CDH13: variants seen among roughly 807,000 people sequenced by gnomAD.
CDH13 encodes the protein cadherin 13, also known as cadherin-13.
In CDH13, 24 loss-of-function variants were observed where a neutral mutation model predicts 63.8. The ratio of observed to expected loss-of-function variants is 0.38; its 90% confidence interval spans 0.27 to 0.53. The LOEUF is 0.53. Ranked by LOEUF, CDH13 falls within the 20% of genes least tolerant of loss-of-function variation. The probability of loss-of-function intolerance (pLI) is 0.85; values close to 1 mark genes in which losing one functional copy is unlikely to be tolerated. For synonymous variants in CDH13, 503 were observed against 355.3 expected (o/e 1.42, Z -4.67); for missense variants, 1,049 against 903.1 (o/e 1.16, Z -2.07).
intron 2 of CDH13, among the ~76,000 whole-genome samples, chr16:82,984,865 T>C (rs1280126632): frequency 2.0e-5 from 3 of 152,160 alleles, no homozygotes; most frequent in African/African-American, 7.2e-5. Flanking sequence ...TCCATAACTA[T>C]TAGCTAATGT....
chr16:83,383,433 C>A (rs917276339), intron 6 of CDH13, among the ~76,000 whole-genome samples: 3 of 152,154 alleles, frequency 2.0e-5, no homozygotes, highest in Non-Finnish European at 2.9e-5. Context: ...GACCTCAACT[C>A]ACAAGCCTTG....
intron 10 of CDH13, among the ~76,000 whole-genome samples, chr16:83,690,728 G>C (rs1010265755): frequency 1.3e-5 from 2 of 151,978 alleles, no homozygotes; most frequent in Non-Finnish European, 2.9e-5. Flanking sequence ...TGTTGTTGTT[G>C]TTTTTATTTT....
chr16:83,482,525 G>A (rs985836426), intron 6 of CDH13, among the ~76,000 whole-genome samples: 4 of 152,196 alleles, frequency 2.6e-5, no homozygotes, highest in Admixed American at 2.6e-4. Flanking sequence ...CTGAATCTAT[G>A]GAGCCAGAGT....
intron 4 of CDH13, among the ~76,000 whole-genome samples, chr16:83,132,664 T>G (rs964618964): frequency 6.6e-6 from 1 of 152,096 alleles, no homozygotes; most frequent in Non-Finnish European, 1.5e-5. Flanking sequence ...CAGACTCATC[T>G]GGATCCATCT....
At chr16:83,300,515 C>T (rs760062493) in intron 5 of CDH13, among the ~76,000 whole-genome samples, 1 of 152,192 alleles carries the variant, frequency 6.6e-6, no homozygotes, top group Non-Finnish European at 1.5e-5. Context: ...GAGTAGGTTA[C>T]ATCTTTCTGC....
At chr16:82,930,335 T>G (rs975146485) in intron 2 of CDH13, among the ~76,000 whole-genome samples, 1 of 152,178 alleles carries the variant, frequency 6.6e-6, no homozygotes, top group Non-Finnish European at 1.5e-5. Context: ...TATGGGACTC[T>G]CTCTTTTTGA....
At chr16:83,316,988 G>T (rs187795351) in intron 5 of CDH13, among the ~76,000 whole-genome samples, 20 of 152,312 alleles carry the variant, frequency 1.3e-4, no homozygotes, top group Non-Finnish European at 2.2e-4. Flanking sequence ...TAGCAGAGGG[G>T]TTCCTAACCT....
At chr16:83,740,812 C>A (rs1911986067) in intron 10 of CDH13, among the ~76,000 whole-genome samples, 1 of 152,214 alleles carries the variant, frequency 6.6e-6, no homozygotes, top group African/African-American at 2.4e-5. Flanking sequence ...CCCCAAGAGG[C>A]CCTGCCCAGG....
intron 10 of CDH13, among the ~76,000 whole-genome samples, chr16:83,732,148 C>T (rs1279984804): frequency 2.0e-5 from 3 of 152,188 alleles, no homozygotes; most frequent in Admixed American, 6.5e-5. Flanking sequence ...GGAAGACCGG[C>T]AATGAACAAG....
intron 10 of CDH13, among the ~76,000 whole-genome samples, chr16:83,705,047 C>T (rs1242160604): frequency 6.6e-6 from 1 of 152,208 alleles, no homozygotes; most frequent in Non-Finnish European, 1.5e-5. Context: ...AAGCTCACCA[C>T]TTCAAGTGCT....
At chr16:83,278,801 A>G (rs78045292) in intron 5 of CDH13, among the ~76,000 whole-genome samples, 2,586 of 152,326 alleles carry the variant, frequency 0.017, 70 homozygotes, top group African/African-American at 0.055. Context: ...ACCTGTATTC[A>G]TAGCAAGAAA....
chr16:83,234,874 G>A (rs998884488), intron 5 of CDH13, among the ~76,000 whole-genome samples: 1 of 152,084 alleles, frequency 6.6e-6, no homozygotes, highest in Non-Finnish European at 1.5e-5. Flanking sequence ...CCCCTCCAGA[G>A]CCCAAGCTCC....
intron 5 of CDH13, among the ~76,000 whole-genome samples, chr16:83,221,536 T>C (rs2039699238): frequency 6.6e-6 from 1 of 152,150 alleles, no homozygotes; most frequent in Non-Finnish European, 1.5e-5. Flanking sequence ...TCTATAAAAA[T>C]ATTAGCAGGT....
rs542586289 is a variant in CDH13, at chr16:83,797,891, T to C, written c.*2861T>C. On this transcript the variant is annotated 3_prime_UTR_variant, in exon 14 of 14. Transcript: ENST00000567109. ...TAAATTAATTATTTTGGATAATTTG[T>C]TTTAATAAGAATATGCACACATTTT... 39 of 152,378 alleles carry C rather than the reference T, an allele frequency of 2.6e-4. No homozygotes were observed. Among genetic ancestry groups the C allele is most frequent in the African/African-American group, 9.1e-4 (38 of 41,584 alleles). The allele number at this position is 152,378 out of a possible 1,614,324, so 9.4% of individuals were successfully genotyped here.
intron 5 of CDH13, among the ~76,000 whole-genome samples, chr16:83,266,740 T>G (rs1266719636): frequency 6.6e-6 from 1 of 152,226 alleles, no homozygotes. Context: ...TCACAACCTG[T>G]GGCTGTCTTT....
chr16:83,792,484 G>T (rs543313937), intron 13 of CDH13, among the ~76,000 whole-genome samples: 27 of 152,302 alleles, frequency 1.8e-4, no homozygotes, highest in African/African-American at 6.0e-4. Context: ...TGTTGTTCTT[G>T]CTTTTAACTA....
chr16:82,945,807 T>G (rs1036870641), intron 2 of CDH13, among the ~76,000 whole-genome samples: 2 of 152,180 alleles, frequency 1.3e-5, no homozygotes, highest in African/African-American at 4.8e-5. Context: ...TCCTGTGATT[T>G]AGGCACATGG....
At chr16:82,653,577 G>A (rs181955254) in intron 1 of CDH13, among the ~76,000 whole-genome samples, 240 of 152,254 alleles carry the variant, frequency 1.6e-3, no homozygotes, top group African/African-American at 5.6e-3. Flanking sequence ...GTTCATGCTT[G>A]GGGGAAGCTG....
chr16:82,909,344 T>A (rs953908635), intron 2 of CDH13, among the ~76,000 whole-genome samples: 1 of 151,822 alleles, frequency 6.6e-6, no homozygotes, highest in South Asian at 2.1e-4. Context: ...GAGGTAATTA[T>A]GTGAGGTAAA....
Sources: gnomAD v4.1 joint callset for allele counts (sites outside exome capture counted in the v4.1 genomes callset) on GRCh38, gnomAD v4.1.1 for gene constraint, MANE v1.5 for transcripts, NCBI Gene and HGNC (gene_info 2026-07-23, HGNC 2026-07-21) for gene names.